Variants in MIA2 observed in about 807,000 individuals in gnomAD.
MIA2 encodes MIA SH3 domain ER export factor 2, also known as melanoma inhibitory activity protein 2.
Under a neutral mutation model 167.8 loss-of-function variants are expected in MIA2, and 127 were observed. The observed-to-expected ratio is 0.76, with a 90% CI of 0.66 to 0.88. MIA2 has a LOEUF of 0.88. Ranked by LOEUF, MIA2 falls within the 40% of genes least tolerant of loss-of-function variation. The pLI, the probability that MIA2 is intolerant of heterozygous loss-of-function variation, is 0.00. For missense variants in MIA2, 1,690 were observed against 1,624.7 expected, an observed-to-expected ratio of 1.04 and a Z score of -0.69; for synonymous variants, 552 against 541.9, an observed-to-expected ratio of 1.02 and a Z score of -0.26.
intron 7 of MIA2, 24 bp from the exon 8 acceptor site, chr14:39,279,313 A>AT: frequency 6.3e-7 from 1 of 1,590,332 alleles, no homozygotes; most frequent in Non-Finnish European, 8.5e-7. Flanking sequence ...TTTTAATGTA[A>AT]TTTTTGTTAA....
At chr14:39,348,531 C>G (rs2073894244) in intron 27 of MIA2, among the ~76,000 whole-genome samples, 1 of 152,034 alleles carries the variant, frequency 6.6e-6, no homozygotes, top group Admixed American at 6.6e-5. Flanking sequence ...TTGGTTAAAG[C>G]TGTTTTCTGT....
intron 13 of MIA2, among the ~76,000 whole-genome samples, chr14:39,297,693 GTGTGTT>G (rs1291013388): frequency 2.6e-4 from 39 of 151,750 alleles, no homozygotes; most frequent in African/African-American, 9.0e-4. Context: ...GTGTGTGTGT[GTGTGTT>G]TGTGTGTGTG....
intron 19 of MIA2, among the ~76,000 whole-genome samples, chr14:39,314,386 T>A (rs1237460116): frequency 6.9e-6 from 1 of 143,964 alleles, no homozygotes; most frequent in Non-Finnish European, 1.5e-5. Flanking sequence ...ACACTCTGTT[T>A]AAAAAAAAAA....
intron 23 of MIA2, among the ~76,000 whole-genome samples, chr14:39,373,281 T>C (rs1209062928): frequency 6.9e-6 from 1 of 144,298 alleles, no homozygotes; most frequent in Non-Finnish European, 1.5e-5. Flanking sequence ...TGGCTTTCTA[T>C]GTTAAAAAGC....
chr14:39,286,183 C>T (rs1464920342), intron 9 of MIA2, among the ~76,000 whole-genome samples: 2 of 152,272 alleles, frequency 1.3e-5, no homozygotes, highest in East Asian at 1.9e-4. Flanking sequence ...GAGACTCCAT[C>T]TGCAATCCCG....
Position 39,277,762 on chromosome 14 carries a change from A to ATT in MIA2, c.2019+698_2019+699insTT, listed in dbSNP as rs2058355345. Among the ~76,000 whole-genome samples the ATT allele has an allele frequency of 1.7e-4, 6 of 35,356 alleles. 2 individuals carry two copies. The South Asian group carries it at 5.9e-3, about 35-fold the overall frequency. 23.2% of individuals were successfully genotyped at this position (35,356 alleles called of 152,430 possible). A position where few individuals can be genotyped will look rare whatever the true frequency, so the allele number is the denominator to read the frequency against. ...TATATATGTGTGTATATATATATAT[A>ATT]TATATATATATATATATATTTATAT... On this transcript the variant is annotated intron_variant, in intron 7 of 28. Coordinates refer to ENST00000640607, the MANE Select transcript of MIA2 (RefSeq NM_001329214.4).
chr14:39,361,212 A>G (rs1479708333), intron 23 of MIA2, among the ~76,000 whole-genome samples: 9 of 152,296 alleles, frequency 5.9e-5, no homozygotes, highest in Middle Eastern at 3.4e-3. Flanking sequence ...TAGCAATTGC[A>G]TTGAATTTAT....
chr14:39,387,247 A>G (rs1567067026), exon 24 of MIA2: 1 of 341,592 alleles, frequency 2.9e-6, no homozygotes, highest in Non-Finnish European at 5.2e-6. Flanking sequence ...TCACCCTTCT[A>G]GATGCCATTC....
intron 10 of MIA2, chr14:39,292,835 T>C (rs191988138): frequency 4.7e-4 from 78 of 166,984 alleles, no homozygotes; most frequent in Non-Finnish European, 6.5e-4. Flanking sequence ...CTTGATTTTT[T>C]TTTAGTTGAT....
intron 23 of MIA2, among the ~76,000 whole-genome samples, chr14:39,372,672 C>A (rs941573512): frequency 6.6e-6 from 1 of 152,056 alleles, no homozygotes; most frequent in Non-Finnish European, 1.5e-5. Context: ...GATATTAAAA[C>A]CTTTTTAATG....
intron 25 of MIA2, among the ~76,000 whole-genome samples, chr14:39,332,453 A>T (rs2069127932): frequency 2.0e-5 from 3 of 152,126 alleles, no homozygotes; most frequent in Admixed American, 2.0e-4. Flanking sequence ...CCATTTGTCG[A>T]ACTCATTGTC....
chr14:39,317,088 C>T (rs557342879), intron 21 of MIA2, among the ~76,000 whole-genome samples: 5 of 152,042 alleles, frequency 3.3e-5, no homozygotes, highest in African/African-American at 9.7e-5. Context: ...ATATAAAGAT[C>T]GGGACAGCCA....
intron 1 of MIA2, among the ~76,000 whole-genome samples, chr14:39,236,349 G>T (rs1026070832): frequency 1.3e-5 from 2 of 152,142 alleles, no homozygotes; most frequent in Non-Finnish European, 2.9e-5. Flanking sequence ...AGGACAGAAA[G>T]AAAAGCTCAG....
At position 39,253,191 on chromosome 14, in the gene MIA2, CT is replaced by C. The variant is rs1258521768; in HGVS notation, c.1887+24del. The C allele has an allele frequency of 3.1e-6, 5 of 1,606,500 alleles. No individual in the cohort carries two copies. The South Asian group carries it at 5.6e-5, about 18-fold the overall frequency. ...GAAAGGGTAAGTTTGCCTTTTAAACCTTTTGCAATAATTTTACCTATTTTGC... is the reference window on the plus strand; with the variant it reads ...GAAAGGGTAAGTTTGCCTTTTAAACCTTTGCAATAATTTTACCTATTTTGC... On this transcript the variant is annotated intron_variant, in intron 6 of 28. Transcript: ENST00000640607.
At position 39,360,877 on chromosome 14, in the gene MIA2, A is replaced by G. The variant is rs147763901; in HGVS notation, c.2248+11900A>G. Among the ~76,000 whole-genome samples, 206 of 152,318 alleles carry G rather than the reference A, an allele frequency of 1.4e-3. 1 individual carries two copies. The highest frequency in any genetic ancestry group is 4.5e-3 in the African/African-American group (189 of 41,566). ...TGGTTTCATTCTTCCGCATATGGAT[A>G]TCCAGTTTTCCCAACTCGATTTATT... On this transcript the variant is annotated intron_variant, in intron 23 of 23. Transcript: ENST00000341502.
intron 15 of MIA2, 134 bp from the exon 16 acceptor site, chr14:39,303,344 A>G: frequency 1.5e-6 from 1 of 657,244 alleles, no homozygotes; most frequent in Admixed American, 3.0e-5. Flanking sequence ...TCTGCTTTAT[A>G]CCAAATTCTT....
At chr14:39,381,419 T>G (rs2104530) in intron 23 of MIA2, among the ~76,000 whole-genome samples, 11,329 of 152,254 alleles carry the variant, frequency 0.074, 1,438 homozygotes, top group African/African-American at 0.25. Context: ...TCCTTTTATA[T>G]CTCATTACCA....
At chr14:39,371,974 T>C (rs2074956149) in intron 23 of MIA2, among the ~76,000 whole-genome samples, 2 of 152,000 alleles carry the variant, frequency 1.3e-5, no homozygotes, top group Admixed American at 1.3e-4. Context: ...TTTTTTTAAA[T>C]TGGAAAATTT....
chr14:39,322,253 A>G (rs2066586469), intron 24 of MIA2, among the ~76,000 whole-genome samples: 1 of 151,972 alleles, frequency 6.6e-6, no homozygotes, highest in Admixed American at 6.6e-5. Flanking sequence ...ATTTGTTAAC[A>G]CACTGGGGGC....
Sources: gnomAD v4.1 joint callset for allele counts (sites outside exome capture counted in the v4.1 genomes callset) on GRCh38, gnomAD v4.1.1 for gene constraint, MANE v1.5 for transcripts, NCBI Gene and HGNC (gene_info 2026-07-23, HGNC 2026-07-21) for gene names.